LNX2: variants seen among roughly 807,000 people sequenced by gnomAD.
LNX2 encodes the protein ligand of Numb protein X 2.
LNX2 carries 35 observed loss-of-function variants against 66.2 expected under a neutral mutation model. That is an observed-to-expected ratio of 0.53 (90% CI 0.40 to 0.70). The LOEUF (loss-of-function observed/expected upper bound fraction) is 0.70, where lower values mean the gene tolerates loss of function less well. Ranked by LOEUF, LNX2 falls within the 30% of genes least tolerant of loss-of-function variation. The pLI, the probability that LNX2 is intolerant of heterozygous loss-of-function variation, is 0.00. For synonymous variants in LNX2, 337 were observed against 315.6 expected (o/e 1.07, Z -0.72); for missense variants, 791 against 850.8 (o/e 0.93, Z 0.87).
intron 1 of LNX2, among the ~76,000 whole-genome samples, chr13:27,595,131 T>C (rs1955582618): frequency 6.6e-6 from 1 of 152,214 alleles, no homozygotes; most frequent in Admixed American, 6.5e-5. Context: ...TATTTACAAC[T>C]TCCTGACCAC....
rs566088606 is a variant in LNX2, at chr13:27,601,375, G to A, written c.-101+19000C>T. Among the ~76,000 whole-genome samples, 15 of 152,246 alleles carry A rather than the reference G, an allele frequency of 9.9e-5. No individual in the cohort carries two copies. In the South Asian group the frequency reaches 1.7e-3, roughly 17 times the overall value. Reference sequence around the variant, plus strand: ...AAGAAAGACATTATATAAGCAATACGTGATGCAATTCCACAGAAACCACAT... The same window carrying A: ...AAGAAAGACATTATATAAGCAATACATGATGCAATTCCACAGAAACCACAT... On this transcript the variant is annotated intron_variant, in intron 1 of 9. Transcript: ENST00000316334.
Position 27,583,236 on chromosome 13 carries a change from GT to G in LNX2, c.-100-1434del, listed in dbSNP as rs1566124811. On this transcript the variant is annotated intron_variant, in intron 1 of 9. Coordinates refer to ENST00000316334, the MANE Select transcript of LNX2 (RefSeq NM_153371.4). ...TGTGTGTGTGTGTGTGTGTGTGTGT[GT>G]GTGTGTGTGTGTGTGTGTGCGCGCG... 1.4e-4 allele frequency among the ~76,000 whole-genome samples: 3 copies of G among 21,822 alleles called. 1 individual carries two copies. The highest frequency in any genetic ancestry group is 2.7e-4 in the Non-Finnish European group (3 of 10,998). 14.3% of individuals were successfully genotyped at this position (21,822 alleles called of 152,430 possible). A position where few individuals can be genotyped will look rare whatever the true frequency, so the allele number is the denominator to read the frequency against.
intron 4 of LNX2, among the ~76,000 whole-genome samples, chr13:27,564,374 T>TA (rs1491042945): frequency 6.1e-5 from 3 of 49,384 alleles, no homozygotes; most frequent in Non-Finnish European, 1.3e-4. Flanking sequence ...TGTATTTTTT[T>TA]ATCAATCAAC....
At chr13:27,574,341 G>A (rs772406027) in intron 2 of LNX2, among the ~76,000 whole-genome samples, 9 of 152,180 alleles carry the variant, frequency 5.9e-5, no homozygotes, top group Non-Finnish European at 1.0e-4. Context: ...CTACTTGGGA[G>A]GCAGAAGTGG....
chr13:27,550,645 A>G (rs565694565), intron 8 of LNX2, among the ~76,000 whole-genome samples, 154 bp from the exon 9 acceptor site: 1 of 152,310 alleles, frequency 6.6e-6, no homozygotes, highest in East Asian at 1.9e-4. Flanking sequence ...TCCATCTTCT[A>G]GCAGAGACAC....
At chr13:27,611,350 C>CA (rs923105039) in intron 1 of LNX2, among the ~76,000 whole-genome samples, 5 of 151,892 alleles carry the variant, frequency 3.3e-5, no homozygotes, top group African/African-American at 7.3e-5. Context: ...GCAAGTCACA[C>CA]AAAAAAAGAC....
rs143652567 is a variant in LNX2 at position 27,553,303 on chromosome 13, C to T, written c.1683G>A (p.Ala561=). ...KALEVQIVEE[A]TQNAEEQPST... is the part of the protein sequence containing the mutation. ...TCGGCTGCTCCTCCGCGTTCTGAGT[C>T]GCCTCCTCAACAATCTGGACCTCAA... is the stretch of plus-strand genomic sequence containing the variant. The change falls in exon 8 of 10, where the codon GCG becomes GCA. Residue 561 remains alanine (A), a synonymous_variant. Transcript: ENST00000316334. The T allele has an allele frequency of 8.7e-6, 14 of 1,614,000 alleles. No homozygotes were observed. The highest frequency in any genetic ancestry group is 8.0e-5 in the African/African-American group (6 of 74,906).
At position 27,568,642 on chromosome 13, in the gene LNX2, G is replaced by GAAA. The variant is rs1345448190; in HGVS notation, c.655+386_655+387insTTT. 3.9e-5 allele frequency among the ~76,000 whole-genome samples: 6 copies of GAAA among 152,126 alleles called. No homozygotes were observed. The East Asian group carries it at 1.2e-3, about 29-fold the overall frequency. On this transcript the variant is annotated intron_variant, in intron 3 of 9. Coordinates refer to ENST00000316334, the MANE Select transcript of LNX2 (RefSeq NM_153371.4). Reference sequence around the variant, plus strand: ...ATAGCTAATACATATAAAATGTTTAGCACAGTGCCTGACACAGAATAGCAT... The same window carrying GAAA: ...ATAGCTAATACATATAAAATGTTTAGAAACACAGTGCCTGACACAGAATAGCAT...
intron 1 of LNX2, among the ~76,000 whole-genome samples, chr13:27,588,367 GAAC>G (rs1318076114): frequency 4.6e-5 from 7 of 152,258 alleles, no homozygotes; most frequent in Admixed American, 2.6e-4. Flanking sequence ...TAACCTCTAT[GAAC>G]AACAACCTCT....
rs907494677 is a variant in LNX2 at position 27,569,343 on chromosome 13, G to A, written c.408-67C>T. On this transcript the variant is annotated intron_variant, in intron 2 of 9. Transcript: ENST00000316334. ...ACAAACAAACAAATAAAATAGGGAG[G>A]GGGACTAATAGCTTCTACACAAACA... The A allele has an allele frequency of 5.9e-6, 9 of 1,534,840 alleles. No homozygotes were observed. In the African/African-American group the frequency reaches 9.7e-5, roughly 17 times the overall value.
At chr13:27,591,765 C>T (rs1293539402) in intron 1 of LNX2, among the ~76,000 whole-genome samples, 4 of 152,108 alleles carry the variant, frequency 2.6e-5, no homozygotes, top group African/African-American at 7.2e-5. Flanking sequence ...AAATGAAATG[C>T]AGTATTTTAG....
chr13:27,576,806 A>C (rs1366068313), intron 2 of LNX2, among the ~76,000 whole-genome samples: 5 of 152,172 alleles, frequency 3.3e-5, no homozygotes, highest in African/African-American at 1.2e-4. Flanking sequence ...ATTGCAATTA[A>C]TTCCAAATGG....
At chr13:27,550,771 G>C (rs182833149) in intron 8 of LNX2, among the ~76,000 whole-genome samples, 2 of 152,084 alleles carry the variant, frequency 1.3e-5, no homozygotes, top group Admixed American at 1.3e-4. Flanking sequence ...TTACACCTCA[G>C]TAACCTGTAC....
At chr13:27,566,149 C>T (rs369188125) in intron 4 of LNX2, among the ~76,000 whole-genome samples, 17 of 152,236 alleles carry the variant, frequency 1.1e-4, no homozygotes, top group African/African-American at 3.9e-4. Context: ...TAACTCATCA[C>T]GTGCCAAGTG....
chr13:27,592,716 G>C (rs1019003461), intron 1 of LNX2, among the ~76,000 whole-genome samples: 2 of 152,222 alleles, frequency 1.3e-5, no homozygotes, highest in Non-Finnish European at 2.9e-5. Flanking sequence ...GGGGGACGAA[G>C]AGGACCAGGC....
At chr13:27,607,875 A>C (rs1030415056) in intron 1 of LNX2, among the ~76,000 whole-genome samples, 36 of 152,252 alleles carry the variant, frequency 2.4e-4, no homozygotes, top group African/African-American at 8.4e-4. Flanking sequence ...AGCTAAAATG[A>C]AACCTGGAGA....
rs576337102 is a variant in LNX2 at position 27,566,986 on chromosome 13, T to C, written c.855+654A>G. Among the ~76,000 whole-genome samples, 115 of 152,262 alleles carry C rather than the reference T, an allele frequency of 7.6e-4. 1 individual carries two copies. Among genetic ancestry groups the C allele is most frequent in the Non-Finnish European group, 1.1e-3 (77 of 68,020 alleles). On this transcript the variant is annotated intron_variant, in intron 4 of 9. Coordinates refer to ENST00000316334, the MANE Select transcript of LNX2 (RefSeq NM_153371.4). ...ACTTGCCCTCTAATAAAATATCTTG[T>C]CCCATGCTAGTTATTTCTGGAGAAT...
In LNX2 at chr13:27,546,842, CTTAT is replaced by C. The variant is rs776544303; in HGVS notation, c.*1489_*1492del. The C allele has an allele frequency of 2.0e-5, 3 of 152,178 alleles. No homozygotes were observed. Among genetic ancestry groups the C allele is most frequent in the Non-Finnish European group, 4.4e-5 (3 of 67,968 alleles). The allele number at this position is 152,178 out of a possible 1,614,324, so 9.4% of individuals were successfully genotyped here. On this transcript the variant is annotated 3_prime_UTR_variant, in exon 10 of 10. Coordinates refer to ENST00000316334, the MANE Select transcript of LNX2 (RefSeq NM_153371.4). Reference sequence around the variant, plus strand: ...GGTAAAGATATTTTTATCTTATTCACTTATTTATGTGTTCAGAGGATAAGTATGT... The same window carrying C: ...GGTAAAGATATTTTTATCTTATTCACTTATGTGTTCAGAGGATAAGTATGT...
chr13:27,571,148 T>A (rs2138366754), intron 2 of LNX2, among the ~76,000 whole-genome samples: 1 of 152,320 alleles, frequency 6.6e-6, no homozygotes, highest in African/African-American at 2.4e-5. Flanking sequence ...AAACCCATAT[T>A]TAAATGAGAT....
Sources: gnomAD v4.1 joint callset for allele counts (sites outside exome capture counted in the v4.1 genomes callset) on GRCh38, gnomAD v4.1.1 for gene constraint, MANE v1.5 for transcripts, NCBI Gene and HGNC (gene_info 2026-07-23, HGNC 2026-07-21) for gene names.